BPIFB4: variants seen among roughly 807,000 people sequenced by gnomAD.
BPIFB4 encodes BPI fold-containing family B member 4.
In BPIFB4, 62 loss-of-function variants were observed where a neutral mutation model predicts 69.2. The ratio of observed to expected loss-of-function variants is 0.90; its 90% CI spans 0.73 to 1.11. The LOEUF (loss-of-function observed/expected upper bound fraction) is 1.11, where lower values mean the gene tolerates loss of function less well. Among genes scored for constraint, BPIFB4 ranks in the 50% least tolerant of loss-of-function variants. The pLI, the probability that BPIFB4 is intolerant of heterozygous loss-of-function variation, is 0.00. For synonymous variants in BPIFB4, 330 were observed against 332.7 expected (o/e 0.99, Z 0.09); for missense variants, 789 against 792.0 (o/e 1.00, Z 0.04).
chr20:33,081,531 G>A lies in BPIFB4; in HGVS notation c.5G>A (p.Trp2Ter). The A allele has an allele frequency of 6.4e-7, 1 of 1,551,670 alleles. No homozygotes were observed. Among genetic ancestry groups the A allele is most frequent in the Non-Finnish European group, 8.7e-7 (1 of 1,147,002 alleles). ...CCACAGGGAAGCAGTGCCAGCATGT[G>A]GATGGCCTGGTGTGTGGCTGCGCTG... M[W>*]MAWCVAALSV... Residue 2 changes from tryptophan (W) to a stop codon, truncating the protein, a stop_gained, in exon 3 of 18, where the codon TGG (tryptophan) becomes TAG (stop). Coordinates refer to ENST00000375483, the MANE Select transcript of BPIFB4 (RefSeq NM_182519.3). LOFTEE classifies it high-confidence loss of function.
chr20:33,100,353 C>A, intron 13 of BPIFB4, 73 bp from the exon 14 acceptor site: 2 of 1,332,802 alleles, frequency 1.5e-6, no homozygotes, highest in South Asian at 2.5e-5. Flanking sequence ...GCACTGGGCA[C>A]ACAATGAGCC....
intron 10 of BPIFB4, 67 bp downstream of exon 10, chr20:33,090,866 C>A: frequency 2.5e-6 from 4 of 1,585,028 alleles, no homozygotes; most frequent in South Asian, 1.1e-5. Flanking sequence ...ATCAGTGAGG[C>A]CCTCCCAGGG....
At chr20:33,082,390 A>G (rs1228142993) in intron 3 of BPIFB4, among the ~76,000 whole-genome samples, 1 of 152,014 alleles carries the variant, frequency 6.6e-6, no homozygotes, top group Non-Finnish European at 1.5e-5. Flanking sequence ...CTGGAGTGCA[A>G]TGGTGCGATC....
intron 16 of BPIFB4, among the ~76,000 whole-genome samples, chr20:33,106,677 G>C (rs1485442888): frequency 1.3e-5 from 2 of 152,134 alleles, no homozygotes; most frequent in African/African-American, 4.8e-5. Context: ...AATGTGGTGG[G>C]CGTGACAGAT....
intron 8 of BPIFB4, among the ~76,000 whole-genome samples, chr20:33,089,264 C>A (rs1330264955): frequency 6.6e-6 from 1 of 152,180 alleles, no homozygotes; most frequent in East Asian, 1.9e-4. Flanking sequence ...GTTTGAATCC[C>A]GGCTTGGGCA....
rs753107508 is a variant in BPIFB4, at chr20:33,085,003, G to T, written c.782+7G>T. The T allele has an allele frequency of 3.7e-6, 6 of 1,609,852 alleles. No individual in the cohort carries two copies. The highest frequency in any genetic ancestry group is 4.2e-6 in the Non-Finnish European group (5 of 1,179,402). On this transcript the variant is annotated splice_region_variant and intron_variant, in intron 6 of 17. Coordinates refer to ENST00000375483, the MANE Select transcript of BPIFB4 (RefSeq NM_182519.3). ...TGGCCATCAACGGGAAGAGGTGCGT[G>T]CCCTTGGCCCTGGAGGGGTCCCCAC... is the stretch of plus-strand genomic sequence containing the variant.
intron 6 of BPIFB4, among the ~76,000 whole-genome samples, chr20:33,085,334 A>C (rs1231187308): frequency 6.6e-6 from 1 of 152,246 alleles, no homozygotes; most frequent in Admixed American, 6.5e-5. Context: ...AGGTGCCTGT[A>C]GTCCCAGCTA....
chr20:33,081,434 C>T (rs1981225025), intron 2 of BPIFB4, 78 bp from the exon 3 acceptor site: 3 of 1,515,840 alleles, frequency 2.0e-6, no homozygotes, highest in Non-Finnish European at 2.7e-6. Flanking sequence ...TGACTCTTGG[C>T]TGGGGCTGCC....
chr20:33,086,757 C>T (rs1385138410), intron 7 of BPIFB4, among the ~76,000 whole-genome samples: 1 of 152,288 alleles, frequency 6.6e-6, no homozygotes, highest in Admixed American at 6.5e-5. Context: ...TGAGAGTTTT[C>T]CTATGACGTG....
intron 7 of BPIFB4, among the ~76,000 whole-genome samples, chr20:33,087,002 T>A (rs1024028210): frequency 2.6e-5 from 4 of 152,114 alleles, no homozygotes; most frequent in Non-Finnish European, 5.9e-5. Flanking sequence ...CCCTTGAAAC[T>A]CATTGTGCAA....
Position 33,090,806 on chromosome 20 carries a change from G to T in BPIFB4, c.1143+7G>T. ...CCTGGAGCTGGACCTCAACGTGAGT[G>T]CCTGGGGTTCAGGGCAAAGGGTGGT... On this transcript the variant is annotated splice_region_variant and intron_variant, in intron 10 of 17. Coordinates refer to ENST00000375483, the MANE Select transcript of BPIFB4 (RefSeq NM_182519.3). 2 of 1,614,094 alleles carry T rather than the reference G, an allele frequency of 1.2e-6. No homozygotes were observed.
intron 17 of BPIFB4, 66 bp from the exon 18 acceptor site, chr20:33,111,348 G>A: frequency 6.3e-7 from 1 of 1,599,374 alleles, no homozygotes; most frequent in Non-Finnish European, 8.6e-7. Flanking sequence ...CCGTAGGCAG[G>A]TGAGTAGCAA....
At chr20:33,087,438 G>A (rs1443131148) in intron 7 of BPIFB4, among the ~76,000 whole-genome samples, 1 of 151,956 alleles carries the variant, frequency 6.6e-6, no homozygotes, top group Non-Finnish European at 1.5e-5. Context: ...TTACCCTATT[G>A]GGAGAATTTT....
chr20:33,082,981 C>T lies in BPIFB4; in HGVS notation c.150C>T (p.Ala50=). The change falls in exon 4 of 18, where the codon GCC becomes GCT. Residue 50 remains alanine (A), a synonymous_variant. Coordinates refer to ENST00000375483, the MANE Select transcript of BPIFB4 (RefSeq NM_182519.3). ...MLQQSDALHS[A]LREVPLGVGD... Reference sequence around the variant, plus strand: ...AGCAAAGTGATGCTCTCCACTCGGCCCTGAGAGAGGTGCCCTTGGGTAAAG... The same window carrying T: ...AGCAAAGTGATGCTCTCCACTCGGCTCTGAGAGAGGTGCCCTTGGGTAAAG... The T allele has an allele frequency of 3.7e-6, 6 of 1,612,970 alleles. No individual in the cohort carries two copies. The highest frequency in any genetic ancestry group is 1.1e-5 in the South Asian group (1 of 90,998).
intron 15 of BPIFB4, 85 bp downstream of exon 15, chr20:33,103,099 C>T: frequency 6.8e-7 from 1 of 1,477,732 alleles, no homozygotes; most frequent in Non-Finnish European, 9.5e-7. Flanking sequence ...TCCTGTGAGG[C>T]TGGCTGGGCA....
At chr20:33,104,954 T>A (rs967082158) in intron 16 of BPIFB4, 81 bp downstream of exon 16, 1 of 1,396,840 alleles carries the variant, frequency 7.2e-7, no homozygotes, top group African/African-American at 1.4e-5. Context: ...ATGCTGGATG[T>A]GCATCTATCC....
intron 9 of BPIFB4, among the ~76,000 whole-genome samples, 177 bp downstream of exon 9, chr20:33,089,735 C>CT (rs1028659901): frequency 2.0e-5 from 3 of 152,134 alleles, no homozygotes; most frequent in Admixed American, 6.5e-5. Flanking sequence ...AAACACCCCC[C>CT]CCGAGTACCA....
intron 13 of BPIFB4, among the ~76,000 whole-genome samples, chr20:33,099,143 G>T (rs756326930): frequency 6.6e-6 from 1 of 152,048 alleles, no homozygotes; most frequent in African/African-American, 2.4e-5. Flanking sequence ...CATGATTAAG[G>T]CTTCAGGCTT....
rs373472303 is a variant in BPIFB4 at position 33,086,136 on chromosome 20, G to A, written c.898G>A (p.Gly300Arg). The A allele has an allele frequency of 2.5e-6, 4 of 1,608,574 alleles. No homozygotes were observed. In the African/African-American group the frequency reaches 5.3e-5, roughly 21 times the overall value. ...CATTGAGCGATGTGACACCCTCCTA[G>A]GGGGCATCAAAGTCAAGCTGCTGCG... is the stretch of plus-strand genomic sequence containing the variant. Reference protein sequence around the residue: ...LVIERCDTLLGGIKVKLLRGL... With the variant: ...LVIERCDTLLRGIKVKLLRGL... Residue 300 changes from glycine to arginine, a missense_variant, in exon 7 of 18, where the codon GGG (glycine) becomes AGG (arginine). Physicochemically the swap from Gly to Arg is moderately radical, Grantham distance 125. Coordinates refer to ENST00000375483, the MANE Select transcript of BPIFB4 (RefSeq NM_182519.3).
Sources: allele counts gnomAD v4.1 joint callset (sites outside exome capture counted in the v4.1 genomes callset), GRCh38; gene constraint gnomAD v4.1.1; transcripts MANE v1.5; gene names NCBI Gene and HGNC (gene_info 2026-07-23, HGNC 2026-07-21).